ADAP2: variants seen among roughly 807,000 people sequenced by gnomAD.
ADAP2 encodes the protein arf-GAP with dual PH domain-containing protein 2.
In ADAP2, 42 loss-of-function variants were observed where a neutral mutation model predicts 54.9. The ratio of observed to expected loss-of-function variants is 0.77; its 90% confidence interval spans 0.60 to 0.99. The LOEUF (loss-of-function observed/expected upper bound fraction) is 0.99. Ranked by LOEUF, ADAP2 falls within the 50% of genes least tolerant of loss-of-function variation. The probability of loss-of-function intolerance (pLI) is 0.00; values close to 1 mark genes in which losing one functional copy is unlikely to be tolerated. For missense variants in ADAP2, 429 were observed against 480.4 expected, an observed-to-expected ratio of 0.89 and a Z score of 1.00; for synonymous variants, 177 against 180.1, an observed-to-expected ratio of 0.98 and a Z score of 0.14.
At chr17:30,930,736 G>C (rs1360259799) in intron 3 of ADAP2, among the ~76,000 whole-genome samples, 2 of 152,184 alleles carry the variant, frequency 1.3e-5, no homozygotes, top group African/African-American at 4.8e-5. Flanking sequence ...TGTGGCTATG[G>C]GGTAAGGTCA....
intron 3 of ADAP2, among the ~76,000 whole-genome samples, chr17:30,931,571 AG>A (rs1911484540): frequency 1.3e-5 from 2 of 152,154 alleles, no homozygotes; most frequent in South Asian, 4.1e-4. Flanking sequence ...TGGTAATCCC[AG>A]CACTTTGGGA....
chr17:30,945,478 A>C (rs558193662), intron 6 of ADAP2, among the ~76,000 whole-genome samples: 1 of 152,270 alleles, frequency 6.6e-6, no homozygotes, highest in South Asian at 2.1e-4. Context: ...AAGGCTGAGC[A>C]TGGTAGCTCC....
At chr17:30,956,504 C>T (rs746938925) in intron 10 of ADAP2, 35 bp downstream of exon 10, 1 of 1,597,980 alleles carries the variant, frequency 6.3e-7, no homozygotes. Flanking sequence ...TTCTTTTGGA[C>T]AAGGGCAGAG....
intron 6 of ADAP2, among the ~76,000 whole-genome samples, chr17:30,948,919 T>G (rs1005660770): frequency 6.6e-6 from 1 of 152,072 alleles, no homozygotes; most frequent in African/African-American, 2.4e-5. Flanking sequence ...GAATGCAGAG[T>G]CTTGGGCCCC....
chr17:30,948,902 G>A (rs368594067), intron 6 of ADAP2, among the ~76,000 whole-genome samples: 3 of 152,224 alleles, frequency 2.0e-5, no homozygotes, highest in Non-Finnish European at 2.9e-5. Flanking sequence ...ACCTGAGAGC[G>A]TGTTAGGAAT....
At chr17:30,924,358 G>A (rs1371350924) in intron 2 of ADAP2, among the ~76,000 whole-genome samples, 2 of 150,686 alleles carry the variant, frequency 1.3e-5, no homozygotes, top group African/African-American at 2.5e-5. Context: ...GGGTGAGAGT[G>A]AGACCCTACC....
chr17:30,922,734 C>T (rs1910727218), intron 1 of ADAP2, among the ~76,000 whole-genome samples: 1 of 152,262 alleles, frequency 6.6e-6, no homozygotes, highest in African/African-American at 2.4e-5. Context: ...GCCTCAGACT[C>T]TCTCCCCGGG....
chr17:30,934,377 C>T (rs1353067364), intron 5 of ADAP2, 80 bp downstream of exon 5: 2 of 940,224 alleles, frequency 2.1e-6, no homozygotes, highest in East Asian at 2.6e-5. Context: ...ATCAGTGGTG[C>T]CCTTTTCTTG....
chr17:30,958,072 C>G lies in ADAP2; in HGVS notation c.*203C>G, dbSNP rs564000489. 4.9e-6 allele frequency: 3 copies of G among 615,774 alleles called. No individual in the cohort carries two copies. Among genetic ancestry groups the G allele is most frequent in the African/African-American group, 1.8e-5 (1 of 54,720 alleles). The allele number at this position is 615,774 out of a possible 1,614,324, so 38.1% of individuals were successfully genotyped here. A position where few individuals can be genotyped will look rare whatever the true frequency, so the allele number is the denominator to read the frequency against. ...CAACCCACCTCGGGGATCTGAGGATCTGGTGCATAGATGAACATCTATCCC... is the reference window on the plus strand; with the variant it reads ...CAACCCACCTCGGGGATCTGAGGATGTGGTGCATAGATGAACATCTATCCC... On this transcript the variant is annotated 3_prime_UTR_variant, in exon 11 of 11. Transcript: ENST00000330889.
Position 30,935,145 on chromosome 17 carries a change from T to C in ADAP2, c.510+848T>C, listed in dbSNP as rs191182670. 2.1e-3 allele frequency among the ~76,000 whole-genome samples: 322 copies of C among 152,282 alleles called. 1 individual carries two copies. Among genetic ancestry groups the C allele is most frequent in the African/African-American group, 7.6e-3 (316 of 41,564 alleles). ...ACTTTGGGAGGCCAAGGCAGGTGGA[T>C]CACTTGAGGTCGGGAGTTTGAGACC... is the stretch of plus-strand genomic sequence containing the variant. On this transcript the variant is annotated intron_variant, in intron 5 of 10. Transcript: ENST00000330889.
chr17:30,937,001 T>C (rs1409422075), intron 5 of ADAP2, among the ~76,000 whole-genome samples: 7 of 152,160 alleles, frequency 4.6e-5, no homozygotes, highest in African/African-American at 1.7e-4. Context: ...TGATCTCGGC[T>C]CACTGCAACC....
intron 5 of ADAP2, among the ~76,000 whole-genome samples, chr17:30,944,019 C>T (rs906845379): frequency 2.0e-5 from 3 of 150,960 alleles, no homozygotes; most frequent in Admixed American, 6.6e-5. Flanking sequence ...GGTGAAACCC[C>T]GTTTCTACTA....
chr17:30,953,357 T>G lies in ADAP2; in HGVS notation c.804+7T>G. On this transcript the variant is annotated splice_region_variant and intron_variant, in intron 8 of 10. Coordinates refer to ENST00000330889, the MANE Select transcript of ADAP2 (RefSeq NM_018404.3). ...GGAAAAGACTGGGCCAAAGGTACCTTCTATCACTCCCTGGGGAACTTAATA... is the reference window on the plus strand; with the variant it reads ...GGAAAAGACTGGGCCAAAGGTACCTGCTATCACTCCCTGGGGAACTTAATA... 1 of 1,613,592 alleles carries G rather than the reference T, an allele frequency of 6.2e-7. No homozygotes were observed. Among genetic ancestry groups the G allele is most frequent in the Non-Finnish European group, 8.5e-7 (1 of 1,179,634 alleles).
intron 2 of ADAP2, 65 bp from the exon 3 acceptor site, chr17:30,926,762 C>T: frequency 1.4e-6 from 2 of 1,413,568 alleles, no homozygotes; most frequent in Non-Finnish European, 2.0e-6. Context: ...AAGTCAGTGG[C>T]CTCATAGTTT....
intron 6 of ADAP2, 73 bp downstream of exon 6, chr17:30,945,126 C>T (rs1912571847): frequency 6.5e-7 from 1 of 1,534,842 alleles, no homozygotes; most frequent in South Asian, 1.2e-5. Context: ...CTCACCACCT[C>T]CCCTGCTCAC....
At chr17:30,937,788 A>G (rs958222973) in intron 5 of ADAP2, among the ~76,000 whole-genome samples, 1 of 152,212 alleles carries the variant, frequency 6.6e-6, no homozygotes, top group Admixed American at 6.5e-5. Flanking sequence ...GCTCTATAAA[A>G]CTACAAGAAT....
intron 6 of ADAP2, among the ~76,000 whole-genome samples, chr17:30,946,924 C>T (rs1442753321): frequency 6.6e-6 from 1 of 152,198 alleles, no homozygotes; most frequent in Non-Finnish European, 1.5e-5. Flanking sequence ...CCCTAGCCCC[C>T]TCTCCATGCC....
chr17:30,929,831 G>A (rs1025033724), intron 3 of ADAP2, among the ~76,000 whole-genome samples: 1 of 152,088 alleles, frequency 6.6e-6, no homozygotes, highest in Non-Finnish European at 1.5e-5. Flanking sequence ...CAAGTAGCTG[G>A]AACTACAGGT....
At chr17:30,939,132 T>C (rs1912080099) in intron 5 of ADAP2, among the ~76,000 whole-genome samples, 1 of 152,158 alleles carries the variant, frequency 6.6e-6, no homozygotes, top group South Asian at 2.1e-4. Context: ...ACATTTTTGC[T>C]GAAATGGTAC....
Sources: gnomAD v4.1 joint callset for allele counts (sites outside exome capture counted in the v4.1 genomes callset) on GRCh38, gnomAD v4.1.1 for gene constraint, MANE v1.5 for transcripts, NCBI Gene and HGNC (gene_info 2026-07-23, HGNC 2026-07-21) for gene names.